The following SP140 variants were observed in gnomAD, a reference collection of about 807,000 sequenced individuals.
SP140 encodes nuclear body protein SP140.
In SP140, 81 loss-of-function variants were observed where a neutral mutation model predicts 125.0. The ratio of observed to expected loss-of-function variants is 0.65; its 90% CI spans 0.54 to 0.78. The LOEUF (loss-of-function observed/expected upper bound fraction) is 0.78. SP140 is among the 30% of genes least tolerant of loss of function. SP140 has a pLI of 0.00. For synonymous variants in SP140, 312 were observed against 354.0 expected, an observed-to-expected ratio of 0.88 and a Z score of 1.33; for missense variants, 858 against 1,037.0, an observed-to-expected ratio of 0.83 and a Z score of 2.37.
the SP140 span, among the ~76,000 whole-genome samples, chr2:230,188,838 A>G: frequency 7.2e-5 from 11 of 152,278 alleles, no homozygotes; most frequent in Admixed American, 3.3e-4. Flanking sequence ...CCACTTGATC[A>G]TGGTGTATTA....
intron 1 of SP140, among the ~76,000 whole-genome samples, chr2:230,227,128 T>TA (rs1388519624): frequency 6.6e-6 from 1 of 152,146 alleles, no homozygotes; most frequent in Middle Eastern, 3.2e-3. Flanking sequence ...ACATTCTTGA[T>TA]AAAAATGAAA....
At chr2:230,202,175 AG>A (rs1426380620), upstream of SP140, among the ~76,000 whole-genome samples, 1 of 152,236 alleles carries the variant, frequency 6.6e-6, no homozygotes, top group Non-Finnish European at 1.5e-5. Flanking sequence ...TTATGTTAAC[AG>A]GCAATTGGTT....
chr2:230,268,396 C>T (rs557484507), intron 12 of SP140, among the ~76,000 whole-genome samples: 2 of 151,876 alleles, frequency 1.3e-5, no homozygotes, highest in South Asian at 4.2e-4. Context: ...TGGTGGCAGG[C>T]ACCTGTAATC....
At chr2:230,315,737 T>C (rs144763848), downstream of SP140, among the ~76,000 whole-genome samples, 702 of 152,266 alleles carry the variant, frequency 4.6e-3, 4 homozygotes, top group African/African-American at 0.016. Flanking sequence ...TAGAGATTAG[T>C]GCCACCTACA....
chr2:230,255,511 T>C lies in SP140; in HGVS notation c.1219T>C (p.Ser407Pro), dbSNP rs1473832401. The part of the protein sequence containing the change: ...DGEERQEASS[S>P]LARRGSVSSE... The stretch of plus-strand genomic sequence containing the variant: ...AGAAGAGCGCCAGGAAGCCTCTAGC[T>C]CCCTAGCAAGACGTGGGTCAGGTAA... Residue 407 changes from serine to proline, a missense_variant, in exon 12 of 27, where the codon TCC becomes CCC. This residue lies in a region of SP140 where 791 missense variants were observed against 869.5 expected (regional missense o/e 0.91). Transcript: ENST00000392045. 1 of 1,605,040 alleles carries C rather than the reference T, an allele frequency of 6.2e-7. No individual in the cohort carries two copies. The highest frequency in any genetic ancestry group is 1.9e-4 in the Middle Eastern group (1 of 5,280).
chr2:230,274,012 G>A (rs1464901779), intron 15 of SP140, among the ~76,000 whole-genome samples: 4 of 151,930 alleles, frequency 2.6e-5, no homozygotes, highest in Non-Finnish European at 5.9e-5. Flanking sequence ...TAAGTATGAG[G>A]CTTAATACCT....
chr2:230,239,641 G>T (rs894239898), intron 3 of SP140, among the ~76,000 whole-genome samples: 3 of 152,148 alleles, frequency 2.0e-5, no homozygotes, highest in East Asian at 3.9e-4. Flanking sequence ...TAGAGACAGG[G>T]TTTCGCCATG....
intron 3 of SP140, among the ~76,000 whole-genome samples, chr2:230,217,521 A>T (rs1397342221): frequency 6.6e-6 from 1 of 152,192 alleles, no homozygotes; most frequent in African/African-American, 2.4e-5. Flanking sequence ...ATATTTATGG[A>T]GTGTTTCCTG....
chr2:230,236,953 TC>T, intron 1 of SP140, 129 bp from the exon 2 acceptor site: 1 of 576,588 alleles, frequency 1.7e-6, no homozygotes, highest in Non-Finnish European at 2.9e-6. Context: ...CATTCTGGTC[TC>T]CCTACAAGAA....
chr2:230,272,237 A>G (rs2054037259), intron 15 of SP140, among the ~76,000 whole-genome samples: 1 of 152,160 alleles, frequency 6.6e-6, no homozygotes, highest in Non-Finnish European at 1.5e-5. Flanking sequence ...CATGGAACCA[A>G]AAAAGAGCCT....
chr2:230,294,782 A>G (rs1044623840), intron 21 of SP140, among the ~76,000 whole-genome samples: 10 of 152,254 alleles, frequency 6.6e-5, no homozygotes, highest in Admixed American at 3.3e-4. Context: ...TGAGACATGC[A>G]TGAAACCATA....
intron 22 of SP140, among the ~76,000 whole-genome samples, chr2:230,306,214 A>G (rs1408579655): frequency 2.0e-5 from 3 of 152,170 alleles, no homozygotes; most frequent in Non-Finnish European, 2.9e-5. Context: ...CAGAGCCTCT[A>G]TCACAGCCTG....
chr2:230,307,990 T>TATATATATATATATATAC (rs869070046), intron 22 of SP140, among the ~76,000 whole-genome samples: 2 of 52,638 alleles, frequency 3.8e-5, no homozygotes, highest in African/African-American at 1.5e-4. Context: ...TATATATATA[T>TATATATATATATATATAC]ACACACACAC....
In SP140 at chr2:230,247,984, G is replaced by A. The variant is rs1470657350; in HGVS notation, c.811G>A (p.Glu271Lys). 3 of 1,613,810 alleles carry A rather than the reference G, an allele frequency of 1.9e-6. No individual in the cohort carries two copies. The highest frequency in any genetic ancestry group is 2.5e-6 in the Non-Finnish European group (3 of 1,179,896). Residue 271 changes from glutamate to lysine, a missense_variant, in exon 8 of 27, where the codon GAG becomes AAG. By Grantham distance (56) the Glu-to-Lys change is moderately conservative. Transcript: ENST00000392045. ...CACAGCACCAGGGGAGAAACAGGGA[G>A]AGGAGGAAGGCAGGAACAGTCCCAG... ...YSTAPGEKQG[E>K]EEGRNSPRKR... is the part of the protein sequence containing the mutation.
At chr2:230,205,500 T>C (rs1362411891) in intron 1 of SP140, among the ~76,000 whole-genome samples, 2 of 152,212 alleles carry the variant, frequency 1.3e-5, no homozygotes, top group Non-Finnish European at 2.9e-5. Flanking sequence ...ATCTTGTTTA[T>C]GTGCTTTCTA....
At chr2:230,313,833 G>T (rs1467017579), downstream of SP140, among the ~76,000 whole-genome samples, 1 of 152,202 alleles carries the variant, frequency 6.6e-6, no homozygotes, top group Non-Finnish European at 1.5e-5. Context: ...AAGAGCTGCA[G>T]GTCAAGAGGT....
At chr2:230,227,328 C>G (rs1159691041) in intron 1 of SP140, among the ~76,000 whole-genome samples, 1 of 152,194 alleles carries the variant, frequency 6.6e-6, no homozygotes, top group African/African-American at 2.4e-5. Flanking sequence ...CTCTCTTTCA[C>G]TTGCTCTCTA....
intron 12 of SP140, among the ~76,000 whole-genome samples, chr2:230,258,141 A>T (rs2051565018): frequency 6.6e-6 from 1 of 152,180 alleles, no homozygotes; most frequent in Admixed American, 6.5e-5. Flanking sequence ...GAAGTGTAGC[A>T]ACTTTCAATT....
At chr2:230,253,862 T>G (rs910852103) in intron 11 of SP140, among the ~76,000 whole-genome samples, 1 of 152,158 alleles carries the variant, frequency 6.6e-6, no homozygotes, top group African/African-American at 2.4e-5. Flanking sequence ...GGAAGACCCT[T>G]GGGATGGAGC....
Sources: allele counts gnomAD v4.1 joint callset (sites outside exome capture counted in the v4.1 genomes callset), GRCh38; gene constraint gnomAD v4.1.1; regional missense constraint gnomAD v4.1.1; transcripts MANE v1.5; gene names NCBI Gene and HGNC (gene_info 2026-07-23, HGNC 2026-07-21).